Variants in TNFRSF19 observed in about 807,000 individuals in gnomAD.
TNFRSF19 encodes TNF receptor superfamily member 19, also known as tumor necrosis factor receptor superfamily member 19.
Under a neutral mutation model 46.4 loss-of-function variants are expected in TNFRSF19, and 27 were observed. That is an observed-to-expected ratio of 0.58 (90% CI 0.43 to 0.80). TNFRSF19 has a LOEUF of 0.80. TNFRSF19 is among the 30% of genes least tolerant of loss of function. The pLI is 0.00. For synonymous variants in TNFRSF19, 204 were observed against 205.0 expected (o/e 1.00, Z 0.04); for missense variants, 511 against 530.8 (o/e 0.96, Z 0.37).
chr13:23,571,958 A>G (rs1877661857), intron 1 of TNFRSF19, among the ~76,000 whole-genome samples: 1 of 152,140 alleles, frequency 6.6e-6, no homozygotes, highest in African/African-American at 2.4e-5. Context: ...TAGCTGAACC[A>G]TAAAGAAACC....
At chr13:23,632,614 T>C (rs1448532468) in intron 5 of TNFRSF19, among the ~76,000 whole-genome samples, 1 of 152,254 alleles carries the variant, frequency 6.6e-6, no homozygotes, top group Non-Finnish European at 1.5e-5. Flanking sequence ...GTGATTTCAT[T>C]ATTTTACTGG....
intron 3 of TNFRSF19, among the ~76,000 whole-genome samples, chr13:23,612,221 C>G (rs914929724): frequency 1.3e-5 from 2 of 152,138 alleles, no homozygotes; most frequent in Non-Finnish European, 2.9e-5. Flanking sequence ...TGGAGGCTGT[C>G]GAGCTTCCCT....
chr13:23,629,109 C>T (rs1307698980), intron 5 of TNFRSF19, among the ~76,000 whole-genome samples: 2 of 150,826 alleles, frequency 1.3e-5, no homozygotes, highest in African/African-American at 2.4e-5. Context: ...TTAGCTCATC[C>T]ACAAAGAGCT....
chr13:23,576,227 G>A (rs1187251458), intron 1 of TNFRSF19, among the ~76,000 whole-genome samples: 2 of 151,328 alleles, frequency 1.3e-5, no homozygotes, highest in Admixed American at 6.6e-5. Flanking sequence ...TCTGCCTCCC[G>A]GGTTCAAATA....
At chr13:23,633,568 G>A (rs1229395163) in intron 5 of TNFRSF19, among the ~76,000 whole-genome samples, 1 of 152,190 alleles carries the variant, frequency 6.6e-6, no homozygotes, top group African/African-American at 2.4e-5. Context: ...AATAGCTGGG[G>A]CTGGGCATGG....
intron 3 of TNFRSF19, among the ~76,000 whole-genome samples, chr13:23,595,197 C>G (rs1373986544): frequency 6.6e-6 from 1 of 152,200 alleles, no homozygotes; most frequent in African/African-American, 2.4e-5. Flanking sequence ...CAGAACATCT[C>G]TTCTCCTCCA....
chr13:23,642,198 C>T (rs1883071505), intron 5 of TNFRSF19, among the ~76,000 whole-genome samples: 1 of 152,160 alleles, frequency 6.6e-6, no homozygotes, highest in Non-Finnish European at 1.5e-5. Flanking sequence ...AACTTTAGTA[C>T]TTGAGGGCTA....
chr13:23,628,861 A>G lies in TNFRSF19; in HGVS notation c.445+2069A>G, dbSNP rs969658939. ...GGAAGAATAAGCTATTTGTCAAAGT[A>G]AAACTTGCAGTGTGCACAGCTGATA... On this transcript the variant is annotated intron_variant, in intron 5 of 9. Transcript: ENST00000248484. 4.6e-5 allele frequency among the ~76,000 whole-genome samples: 7 copies of G among 152,318 alleles called. No individual in the cohort carries two copies. The East Asian group carries it at 1.3e-3, about 29-fold the overall frequency.
At chr13:23,639,933 T>C in intron 5 of TNFRSF19, among the ~76,000 whole-genome samples, 1 of 151,980 alleles carries the variant, frequency 6.6e-6, no homozygotes, top group East Asian at 1.9e-4. Flanking sequence ...TACTGTGGGG[T>C]TTTGGCTTAG....
intron 5 of TNFRSF19, among the ~76,000 whole-genome samples, chr13:23,656,593 C>T (rs1277129941): frequency 6.6e-6 from 1 of 152,124 alleles, no homozygotes. Context: ...TGAAGTCCTC[C>T]ACTCAAATCA....
At chr13:23,616,312 A>G (rs1017541581) in intron 4 of TNFRSF19, among the ~76,000 whole-genome samples, 2 of 152,242 alleles carry the variant, frequency 1.3e-5, no homozygotes, top group Non-Finnish European at 2.9e-5. Context: ...CCTACAAATC[A>G]GTAAAAAAGA....
intron 5 of TNFRSF19, among the ~76,000 whole-genome samples, chr13:23,632,711 A>G (rs1882426598): frequency 6.6e-6 from 1 of 152,242 alleles, no homozygotes. Context: ...GTCTCCCCAC[A>G]GAGTCCCAGC....
chr13:23,575,403 A>G (rs1877889608), intron 1 of TNFRSF19, among the ~76,000 whole-genome samples: 1 of 152,174 alleles, frequency 6.6e-6, no homozygotes, highest in Non-Finnish European at 1.5e-5. Context: ...TTATGTTAAG[A>G]TACAGAAAGC....
intron 1 of TNFRSF19, among the ~76,000 whole-genome samples, chr13:23,582,314 T>C (rs1878508211): frequency 6.7e-6 from 1 of 150,268 alleles, no homozygotes; most frequent in Non-Finnish European, 1.5e-5. Context: ...GGCAGGAGAA[T>C]GGCGTGAACC....
chr13:23,658,355 G>A (rs1413107549), intron 5 of TNFRSF19, among the ~76,000 whole-genome samples: 1 of 152,140 alleles, frequency 6.6e-6, no homozygotes, highest in Non-Finnish European at 1.5e-5. Flanking sequence ...GGTAGAGGTT[G>A]ACCCAGGCCA....
At chr13:23,588,116 A>T (rs530412999) in intron 1 of TNFRSF19, among the ~76,000 whole-genome samples, 113 of 152,346 alleles carry the variant, frequency 7.4e-4, no homozygotes, top group African/African-American at 2.7e-3. Context: ...ACATCAGCTA[A>T]TTCTCCTGAA....
At chr13:23,580,842 G>A (rs1372820905) in intron 1 of TNFRSF19, among the ~76,000 whole-genome samples, 1 of 152,196 alleles carries the variant, frequency 6.6e-6, no homozygotes, top group African/African-American at 2.4e-5. Flanking sequence ...GCATTATCAT[G>A]AGCTCTGTTC....
intron 4 of TNFRSF19, 53 bp from the exon 5 acceptor site, chr13:23,626,654 A>G (rs1882031790): frequency 9.6e-6 from 15 of 1,567,946 alleles, no homozygotes; most frequent in Non-Finnish European, 1.3e-5. Context: ...TATGACCACA[A>G]CTGTAAGCTT....
intron 4 of TNFRSF19, among the ~76,000 whole-genome samples, chr13:23,617,154 C>G (rs1463656060): frequency 6.6e-6 from 1 of 152,032 alleles, no homozygotes; most frequent in Non-Finnish European, 1.5e-5. Flanking sequence ...GAACCTCCAG[C>G]AAGAGGTTCT....
Sources: gnomAD v4.1 joint callset for allele counts (sites outside exome capture counted in the v4.1 genomes callset) on GRCh38, gnomAD v4.1.1 for gene constraint, MANE v1.5 for transcripts, NCBI Gene and HGNC (gene_info 2026-07-23, HGNC 2026-07-21) for gene names.